PPP2R3B: variants seen among roughly 807,000 people sequenced by gnomAD.
PPP2R3B encodes the protein serine/threonine-protein phosphatase 2A regulatory subunit B'' subunit beta.
PPP2R3B carries 68 observed loss-of-function variants against 72.9 expected under a neutral mutation model. The ratio of observed to expected loss-of-function variants is 0.93; its 90% CI spans 0.77 to 1.14. The LOEUF (loss-of-function observed/expected upper bound fraction) is 1.14, where lower values mean the gene tolerates loss of function less well. Ranked by LOEUF, PPP2R3B falls within the 50% of genes most tolerant of loss-of-function variation. The pLI, the probability that PPP2R3B is intolerant of heterozygous loss-of-function variation, is 0.00. For synonymous variants in PPP2R3B, 466 were observed against 375.8 expected, an observed-to-expected ratio of 1.24 and a Z score of -2.78; for missense variants, 1,018 against 842.0, an observed-to-expected ratio of 1.21 and a Z score of -2.59.
chrX:376,198 GAAAAAA>G (rs59781955), intron 1 of PPP2R3B, among the ~76,000 whole-genome samples: 3 of 115,808 alleles, frequency 2.6e-5, no homozygotes, highest in South Asian at 2.9e-4. Context: ...TCTCAAAAAG[GAAAAAA>G]AAAAAAAAAA....
intron 1 of PPP2R3B, among the ~76,000 whole-genome samples, chrX:379,973 C>G (rs1360254535): frequency 6.6e-6 from 1 of 152,158 alleles, no homozygotes; most frequent in African/African-American, 2.4e-5. Context: ...GACGTACGTA[C>G]TCAACTGACT....
intron 1 of PPP2R3B, among the ~76,000 whole-genome samples, chrX:372,183 C>G (rs1250806316): frequency 3.9e-5 from 6 of 152,190 alleles, no homozygotes; most frequent in Non-Finnish European, 8.8e-5. Flanking sequence ...TCTCGCTCTT[C>G]GCAGGTTAAG....
At chrX:359,171 G>A (rs1382354764) in intron 2 of PPP2R3B, among the ~76,000 whole-genome samples, 3 of 152,370 alleles carry the variant, frequency 2.0e-5, no homozygotes, top group South Asian at 2.1e-4. Flanking sequence ...GGCGCACTCC[G>A]CGAGGGTGAG....
intron 2 of PPP2R3B, among the ~76,000 whole-genome samples, chrX:359,038 A>G (rs1233277689): frequency 2.6e-5 from 4 of 152,188 alleles, no homozygotes; most frequent in African/African-American, 9.6e-5. Flanking sequence ...CATGGGTCCC[A>G]TGCAGGAACC....
At chrX:352,069 A>C (rs1242807581) in intron 2 of PPP2R3B, among the ~76,000 whole-genome samples, 1 of 152,164 alleles carries the variant, frequency 6.6e-6, no homozygotes, top group Non-Finnish European at 1.5e-5. Context: ...CACCACACCA[A>C]ACCCGAAAAT....
rs182316505 is a variant in PPP2R3B at position 357,250 on chromosome X, C to T, written c.510+4155G>A. ...ACACCCGCGGCAGGTGACAAACGGC[C>T]GGTCCTGCCTATGAGGATGGATACC... On this transcript the variant is annotated intron_variant, in intron 2 of 12. Transcript: ENST00000390665. 6.1e-3 allele frequency among the ~76,000 whole-genome samples: 926 copies of T among 152,172 alleles called. 11 individuals carry two copies. Among genetic ancestry groups the T allele is most frequent in the African/African-American group, 0.02 (831 of 41,522 alleles).
At chrX:362,686 TG>T (rs2071567259) in intron 1 of PPP2R3B, among the ~76,000 whole-genome samples, 2 of 152,196 alleles carry the variant, frequency 1.3e-5, no homozygotes, top group South Asian at 4.1e-4. Flanking sequence ...CGCATACCAG[TG>T]GACCACAGCT....
At chrX:375,818 G>A (rs1005313929) in intron 1 of PPP2R3B, among the ~76,000 whole-genome samples, 1 of 152,176 alleles carries the variant, frequency 6.6e-6, no homozygotes, top group African/African-American at 2.4e-5. Context: ...GCCACGCCAG[G>A]TGACACACGC....
At chrX:371,456 T>C (rs753120456) in intron 1 of PPP2R3B, among the ~76,000 whole-genome samples, 1 of 151,976 alleles carries the variant, frequency 6.6e-6, no homozygotes, top group African/African-American at 2.4e-5. Flanking sequence ...GAGGAGGAGC[T>C]TGGGTTCACC....
At position 386,546 on chromosome X, in the gene PPP2R3B, G is replaced by A. The variant is rs750510991; in HGVS notation, c.146C>T (p.Pro49Leu). The A allele has an allele frequency of 3.9e-5, 56 of 1,431,986 alleles. No homozygotes were observed. The East Asian group carries it at 1.1e-3, about 28-fold the overall frequency. The allele number at this position is 1,431,986 out of a possible 1,614,324, so 88.7% of individuals were successfully genotyped here. Residue 49 changes from proline to leucine, a missense_variant, in exon 1 of 13, where the codon CCG (proline) becomes CTG (leucine). Physicochemically the swap from Pro to Leu is moderately conservative, Grantham distance 98 (BLOSUM62 -3). Transcript: ENST00000390665. Reference protein sequence around the residue: ...IKAPGRDQPTPGDGEQPGAWP... With the variant: ...IKAPGRDQPTLGDGEQPGAWP... ...GGCCCCGGGCTGCTCCCCGTCCCCC[G>A]GGGTCGGCTGGTCCCGCCCGGGCGC...
At chrX:356,957 C>T (rs778474918) in intron 2 of PPP2R3B, among the ~76,000 whole-genome samples, 1 of 150,350 alleles carries the variant, frequency 6.7e-6, no homozygotes, top group Admixed American at 6.7e-5. Flanking sequence ...AGTATCCACA[C>T]CACAGGACTT....
At chrX:340,633 C>T (rs1476458189) in intron 10 of PPP2R3B, 132 bp downstream of exon 10, 8 of 207,572 alleles carry the variant, frequency 3.9e-5, no homozygotes, top group African/African-American at 1.9e-4. Flanking sequence ...CCCTCCCGTC[C>T]GTCCCCTCTC....
chrX:341,075 C>G, intron 9 of PPP2R3B, 135 bp from the exon 10 acceptor site: 1 of 1,286,816 alleles, frequency 7.8e-7, no homozygotes, highest in African/African-American at 1.5e-5. Context: ...GTGCAGGCAT[C>G]CCCTGCCCCC....
intron 1 of PPP2R3B, among the ~76,000 whole-genome samples, chrX:372,689 A>T (rs2071891992): frequency 6.6e-6 from 1 of 152,218 alleles, no homozygotes; most frequent in South Asian, 2.1e-4. Flanking sequence ...GCTGGGGTGG[A>T]GGCTCACGCC....
intron 1 of PPP2R3B, among the ~76,000 whole-genome samples, chrX:367,304 T>TA (rs1023666740): frequency 1.4e-4 from 20 of 145,480 alleles, no homozygotes; most frequent in Admixed American, 2.7e-4. Context: ...TATGTTCAAT[T>TA]AAAAAAAAAA....
rs181918164 is a variant in PPP2R3B, at chrX:385,930, C to T, written c.324+438G>A. 6.2e-3 allele frequency among the ~76,000 whole-genome samples: 949 copies of T among 152,124 alleles called. 14 individuals are homozygous for T. The highest frequency in any genetic ancestry group is 0.022 in the African/African-American group (904 of 41,520). On this transcript the variant is annotated intron_variant, in intron 1 of 12. Transcript: ENST00000390665. ...AACCCAGTCTCTACTAAAAATACAA[C>T]ATCAGCCAGGCGTGGTGGCACGTGC...
At chrX:348,214 A>G (rs1054088787) in intron 2 of PPP2R3B, among the ~76,000 whole-genome samples, 19 of 152,210 alleles carry the variant, frequency 1.2e-4, no homozygotes, top group African/African-American at 4.3e-4. Flanking sequence ...GATGGAACGC[A>G]AAGTAAATAG....
Position 361,512 on chromosome X carries a change from G to A in PPP2R3B, c.403C>T (p.Pro135Ser). Reference sequence around the variant, plus strand: ...GCATCCACGTTGACGGAGTCCTGCGGGCGTCCTCTGGGGAAGTAGAAGGTC... The same window carrying A: ...GCATCCACGTTGACGGAGTCCTGCGAGCGTCCTCTGGGGAAGTAGAAGGTC... Reference protein sequence around the residue: ...IPTFYFPRGRPQDSVNVDAVI... With the variant: ...IPTFYFPRGRSQDSVNVDAVI... The change falls in exon 2 of 13, where the codon CCG (proline) becomes TCG (serine). Residue 135 changes from proline (P) to serine (S), a missense_variant. Transcript: ENST00000390665. 3 of 1,614,024 alleles carry A rather than the reference G, an allele frequency of 1.9e-6. No homozygotes were observed. The highest frequency in any genetic ancestry group is 2.5e-6 in the Non-Finnish European group (3 of 1,179,874).
chrX:334,687 G>A (rs916124465), intron 12 of PPP2R3B, 170 bp from the exon 13 acceptor site: 196 of 791,572 alleles, frequency 2.5e-4, no homozygotes, highest in Middle Eastern at 3.9e-4. Context: ...TGAGGACGCC[G>A]GCTCCACGAA....
Sources: allele counts gnomAD v4.1 joint callset (sites outside exome capture counted in the v4.1 genomes callset), GRCh38; gene constraint gnomAD v4.1.1; transcripts MANE v1.5; gene names NCBI Gene and HGNC (gene_info 2026-07-23, HGNC 2026-07-21).